ANXA11: variants seen among roughly 807,000 people sequenced by gnomAD.
ANXA11 encodes annexin A11, also known as 56 kDa autoantigen.
Under a neutral mutation model 64.7 loss-of-function variants are expected in ANXA11, and 57 were observed. That is an observed-to-expected ratio of 0.88 (90% CI 0.71 to 1.10). The LOEUF (loss-of-function observed/expected upper bound fraction) is 1.10. Ranked by LOEUF, ANXA11 falls within the 50% of genes least tolerant of loss-of-function variation. ANXA11 has a pLI of 0.00. For synonymous variants in ANXA11, 260 were observed against 265.2 expected (o/e 0.98, Z 0.19); for missense variants, 675 against 670.7 (o/e 1.01, Z -0.07).
chr10:80,186,296 A>G (rs1846535447), intron 1 of ANXA11, among the ~76,000 whole-genome samples: 1 of 151,352 alleles, frequency 6.6e-6, no homozygotes, highest in African/African-American at 2.4e-5. Context: ...CTGAAGGGGG[A>G]AGGAGGGGGG....
At chr10:80,166,419 A>C in intron 7 of ANXA11, 1 of 531,222 alleles carries the variant, frequency 1.9e-6, no homozygotes, top group Non-Finnish European at 3.4e-6. Flanking sequence ...GACACAATGA[A>C]GTTTGAGAAG....
intron 1 of ANXA11, among the ~76,000 whole-genome samples, chr10:80,197,042 C>T (rs1004062617): frequency 2.0e-5 from 3 of 152,220 alleles, no homozygotes; most frequent in South Asian, 2.1e-4. Context: ...TCCTAAAATA[C>T]TGGAGCTGGA....
At chr10:80,198,121 G>A (rs1160044914) in intron 1 of ANXA11, among the ~76,000 whole-genome samples, 1 of 152,238 alleles carries the variant, frequency 6.6e-6, no homozygotes, top group Non-Finnish European at 1.5e-5. Flanking sequence ...CACAGGAACA[G>A]AAGCTGCCTT....
In ANXA11 at chr10:80,157,781, A is replaced by G. The variant is rs776180846; in HGVS notation, c.1336-18T>C. 5 of 1,608,840 alleles carry G rather than the reference A, an allele frequency of 3.1e-6. No homozygotes were observed. Among genetic ancestry groups the G allele is most frequent in the Non-Finnish European group, 4.2e-6 (5 of 1,176,488 alleles). ...CCTGCCCCCTAAAGAGAGTCCACCC[A>G]AGAGCATGAGCACCAGGCCTCCTCA... On this transcript the variant is annotated intron_variant, in intron 14 of 15. Transcript: ENST00000422982.
rs74518229 is a variant in ANXA11 at position 80,162,208 on chromosome 10, G to C, written c.1087-180C>G. On this transcript the variant is annotated intron_variant, in intron 11 of 15. Transcript: ENST00000422982. ...GGCCTCAGGTAGCAGCCCTGAAAAAGAGCAGAAAGCAGCAATCAGGGGCTG... is the reference window on the plus strand; with the variant it reads ...GGCCTCAGGTAGCAGCCCTGAAAAACAGCAGAAAGCAGCAATCAGGGGCTG... Among the ~76,000 whole-genome samples the C allele has an allele frequency of 3.0e-3, 455 of 152,312 alleles. 4 individuals are homozygous for C. Among genetic ancestry groups the C allele is most frequent in the African/African-American group, 0.01 (433 of 41,522 alleles).
intron 3 of ANXA11, chr10:80,171,373 A>G: frequency 1.8e-6 from 1 of 542,572 alleles, no homozygotes; most frequent in South Asian, 5.6e-5. Context: ...AAGTCTGTAA[A>G]AGGCAGGGAG....
intron 5 of ANXA11, among the ~76,000 whole-genome samples, chr10:80,168,403 G>A (rs1164782512): frequency 1.3e-5 from 2 of 152,176 alleles, no homozygotes; most frequent in Non-Finnish European, 2.9e-5. Context: ...GGGGTGTTCT[G>A]ACCCAACTCG....
Position 80,167,214 on chromosome 10 carries a change from A to G in ANXA11, c.649+12T>C, listed in dbSNP as rs759732298. On this transcript the variant is annotated intron_variant, in intron 6 of 15. Transcript: ENST00000422982. Reference sequence around the variant, plus strand: ...GCAGGGAGTAGGATTTGAGCCACCCAGGGTCTCTTACCGAAGCCTTTCATG... The same window carrying G: ...GCAGGGAGTAGGATTTGAGCCACCCGGGGTCTCTTACCGAAGCCTTTCATG... 6.2e-7 allele frequency: 1 copy of G among 1,613,372 alleles called. No homozygotes were observed. Among genetic ancestry groups the G allele is most frequent in the South Asian group, 1.1e-5 (1 of 91,052 alleles).
intron 15 of ANXA11, chr10:80,157,103 GA>G: frequency 1.0e-6 from 1 of 974,220 alleles, no homozygotes; most frequent in Non-Finnish European, 1.2e-6. Flanking sequence ...AGGAAGGAAC[GA>G]TTATTTTCTC....
At chr10:80,167,042 G>T in intron 6 of ANXA11, 58 bp from the exon 7 acceptor site, 1 of 1,418,502 alleles carries the variant, frequency 7.0e-7, no homozygotes, top group Non-Finnish European at 9.7e-7. Context: ...CTCTGCAGCT[G>T]AGACTTCCCT....
At chr10:80,163,506 G>C (rs376638743) in intron 10 of ANXA11, 28 bp downstream of exon 10, 1 of 1,596,506 alleles carries the variant, frequency 6.3e-7, no homozygotes, top group Admixed American at 1.7e-5. Flanking sequence ...TGGCTTGGGG[G>C]CCCCGAGCCC....
chr10:80,171,055 A>C, intron 3 of ANXA11, 140 bp from the exon 4 acceptor site: 2 of 1,524,876 alleles, frequency 1.3e-6, no homozygotes, highest in Non-Finnish European at 1.8e-6. Context: ...CACAGACCAC[A>C]TGAAAACACC....
Position 80,166,027 on chromosome 10 carries a change from TGC to T in ANXA11, c.858+55_858+56del, listed in dbSNP as rs1240824454. The T allele has an allele frequency of 1.6e-5, 16 of 994,918 alleles. No individual in the cohort carries two copies. In the African/African-American group the frequency reaches 2.3e-4, roughly 15 times the overall value. The allele number at this position is 994,918 out of a possible 1,614,324, so 61.6% of individuals were successfully genotyped here. On this transcript the variant is annotated intron_variant, in intron 8 of 15. Transcript: ENST00000422982. ...CTGTGTGTCCACACGCATGCGCGCGTGCGCACACACGCGCGCACACACACACA... is the reference window on the plus strand; with the variant it reads ...CTGTGTGTCCACACGCATGCGCGCGTGCACACACGCGCGCACACACACACA...
At chr10:80,201,180 A>G (rs1295624062) in intron 1 of ANXA11, among the ~76,000 whole-genome samples, 1 of 152,102 alleles carries the variant, frequency 6.6e-6, no homozygotes, top group Non-Finnish European at 1.5e-5. Flanking sequence ...AAAGCAGTGA[A>G]GGCAGCCACA....
chr10:80,163,424 ATGG>A lies in ANXA11; in HGVS notation c.1030-22_1030-20del. 3 of 1,614,078 alleles carry A rather than the reference ATGG, an allele frequency of 1.9e-6. No homozygotes were observed. The highest frequency in any genetic ancestry group is 2.5e-6 in the Non-Finnish European group (3 of 1,180,030). On this transcript the variant is annotated intron_variant, in intron 10 of 15. Coordinates refer to ENST00000422982, the MANE Select transcript of ANXA11 (RefSeq NM_145868.2). Reference sequence around the variant, plus strand: ...GGTTTCCCTGAAAGGAAGCAGGTGTATGGTCATGCCCACTCCTTCCCCATTTAT... The same window carrying A: ...GGTTTCCCTGAAAGGAAGCAGGTGTATCATGCCCACTCCTTCCCCATTTAT...
Position 80,155,929 on chromosome 10 carries a change from G to A in ANXA11, c.1459-17C>T. ...AGTATCTCCCTGGCCACAGAAACAA[G>A]GAAGACATCCGTTAAGGGAGGGACA... On this transcript the variant is annotated splice_polypyrimidine_tract_variant and intron_variant, in intron 15 of 15. Coordinates refer to ENST00000422982, the MANE Select transcript of ANXA11 (RefSeq NM_145868.2). 1 of 1,613,064 alleles carries A rather than the reference G, an allele frequency of 6.2e-7. No homozygotes were observed. The highest frequency in any genetic ancestry group is 8.5e-7 in the Non-Finnish European group (1 of 1,179,008).
chr10:80,171,881 C>T (rs1235585152), intron 3 of ANXA11: 7 of 985,440 alleles, frequency 7.1e-6, no homozygotes, highest in Non-Finnish European at 8.4e-6. Context: ...TGCCAGCCAA[C>T]CTGGGGTGGG....
In ANXA11 at chr10:80,155,902, G is replaced by A. The variant is rs1589410508; in HGVS notation, c.1469C>T (p.Ser490Leu). The change falls in exon 16 of 16, where the codon TCA (serine) becomes TTA (leucine). Residue 490 changes from serine (S) to leucine (L), a missense_variant. Physicochemically the swap from Ser to Leu is moderately radical, Grantham distance 145. Coordinates refer to ENST00000422982, the MANE Select transcript of ANXA11 (RefSeq NM_145868.2). ...SLYHDISGDTSGDYRKILLKI... is the reference protein window; with the variant it reads ...SLYHDISGDTLGDYRKILLKI... ...CAGCAGAATCTTCCGGTAATCCCCT[G>A]AAGTATCTCCCTGGCCACAGAAACA... The A allele has an allele frequency of 1.9e-6, 3 of 1,614,182 alleles. No homozygotes were observed. Among genetic ancestry groups the A allele is most frequent in the East Asian group, 4.5e-5 (2 of 44,878 alleles).
Position 80,163,406 on chromosome 10 carries a change from C to T in ANXA11, c.1030-1G>A. 6.2e-7 allele frequency: 1 copy of T among 1,614,088 alleles called. No homozygotes were observed. The highest frequency in any genetic ancestry group is 8.5e-7 in the Non-Finnish European group (1 of 1,180,034). On this transcript the variant is annotated splice_acceptor_variant, in intron 10 of 15. Coordinates refer to ENST00000422982, the MANE Select transcript of ANXA11 (RefSeq NM_145868.2). LOFTEE classifies it high-confidence loss of function. ...CGTTTGTGCTTTCATCACGGTTTCC[C>T]TGAAAGGAAGCAGGTGTATGGTCAT...
Sources: allele counts gnomAD v4.1 joint callset (sites outside exome capture counted in the v4.1 genomes callset), GRCh38; gene constraint gnomAD v4.1.1; transcripts MANE v1.5; gene names NCBI Gene and HGNC (gene_info 2026-07-23, HGNC 2026-07-21).